Variants in RETREG1 observed in about 807,000 individuals in gnomAD.
RETREG1 encodes the protein family with sequence similarity 134 member B.
RETREG1 carries 44 observed loss-of-function variants against 54.8 expected under a neutral mutation model. The observed-to-expected ratio is 0.80, with a 90% confidence interval of 0.63 to 1.03. The LOEUF (loss-of-function observed/expected upper bound fraction) is 1.03, where lower values mean the gene tolerates loss of function less well. Among genes scored for constraint, RETREG1 ranks in the 50% least tolerant of loss-of-function variants. RETREG1 has a pLI of 0.00. For synonymous variants in RETREG1, 217 were observed against 238.5 expected, an observed-to-expected ratio of 0.91 and a Z score of 0.83; for missense variants, 554 against 605.1, an observed-to-expected ratio of 0.92 and a Z score of 0.89.
chr5:16,495,784 G>C (rs575627942), intron 3 of RETREG1, among the ~76,000 whole-genome samples: 15 of 142,768 alleles, frequency 1.1e-4, no homozygotes, highest in Non-Finnish European at 2.3e-4. Context: ...CTGGGCGACA[G>C]AGCGAGACTC....
intron 3 of RETREG1, chr5:16,509,109 T>A (rs1191642700): frequency 2.7e-6 from 2 of 752,672 alleles, no homozygotes; most frequent in African/African-American, 3.9e-5. Context: ...GGTTGAAACA[T>A]CACCCTGGGC....
intron 3 of RETREG1, among the ~76,000 whole-genome samples, chr5:16,551,755 TTAGTGTCTGAACACCACAAAAA>T (rs1393968957): frequency 7.2e-5 from 11 of 152,176 alleles, no homozygotes; most frequent in Non-Finnish European, 1.2e-4. Context: ...AATTACAAAT[TTAGTGTCTGAACACCACAAAAA>T]TCCATCATCT....
chr5:16,481,308 T>C (rs977332574), intron 4 of RETREG1, among the ~76,000 whole-genome samples: 4 of 152,100 alleles, frequency 2.6e-5, no homozygotes, highest in African/African-American at 9.7e-5. Flanking sequence ...TTGGTAATAA[T>C]TATTTTGAGG....
chr5:16,535,673 G>A (rs1741046744), intron 3 of RETREG1, among the ~76,000 whole-genome samples: 1 of 133,148 alleles, frequency 7.5e-6, no homozygotes, highest in African/African-American at 3.0e-5. Flanking sequence ...CAAAGTGGGA[G>A]CTGGGGTTCC....
At chr5:16,571,898 T>C in intron 2 of RETREG1, 98 bp downstream of exon 2, 1 of 839,226 alleles carries the variant, frequency 1.2e-6, no homozygotes. Context: ...TATTTGCTTC[T>C]GTTCAAAGGA....
chr5:16,499,490 G>T (rs903500585), intron 3 of RETREG1, among the ~76,000 whole-genome samples: 1 of 152,114 alleles, frequency 6.6e-6, no homozygotes, highest in African/African-American at 2.4e-5. Flanking sequence ...AATTTTTAGA[G>T]GTATCATTTT....
chr5:16,601,147 G>T (rs1044945316), intron 1 of RETREG1, among the ~76,000 whole-genome samples: 1 of 152,110 alleles, frequency 6.6e-6, no homozygotes, highest in Non-Finnish European at 1.5e-5. Flanking sequence ...CCAGAGGATT[G>T]CTTGAGGCCG....
chr5:16,524,901 CA>C, intron 3 of RETREG1, among the ~76,000 whole-genome samples: 1 of 128,142 alleles, frequency 7.8e-6, no homozygotes, highest in Non-Finnish European at 1.7e-5. Context: ...CCGGCTCCTG[CA>C]GGTGGATGTG....
intron 3 of RETREG1, among the ~76,000 whole-genome samples, chr5:16,510,920 T>C (rs1044209006): frequency 1.3e-5 from 2 of 152,166 alleles, no homozygotes; most frequent in African/African-American, 4.8e-5. Context: ...TTACCTTTTC[T>C]TTCTCCTGAG....
chr5:16,511,572 C>T (rs1006869736), intron 3 of RETREG1, among the ~76,000 whole-genome samples: 3 of 152,148 alleles, frequency 2.0e-5, no homozygotes, highest in African/African-American at 7.2e-5. Flanking sequence ...CTTGTTCCAA[C>T]CATGGAGTCC....
intron 3 of RETREG1, among the ~76,000 whole-genome samples, chr5:16,511,525 A>G (rs1352694507): frequency 6.6e-6 from 1 of 152,208 alleles, no homozygotes; most frequent in African/African-American, 2.4e-5. Context: ...GAGCACCAGT[A>G]CTTTGTTTTA....
chr5:16,602,372 C>T (rs1170569717), intron 1 of RETREG1, among the ~76,000 whole-genome samples: 1 of 152,002 alleles, frequency 6.6e-6, no homozygotes, highest in African/African-American at 2.4e-5. Context: ...AAGTGAAAAG[C>T]GAGCCCAGTG....
chr5:16,603,958 G>A (rs1398375314), intron 1 of RETREG1, among the ~76,000 whole-genome samples: 3 of 151,974 alleles, frequency 2.0e-5, no homozygotes, highest in African/African-American at 7.3e-5. Flanking sequence ...ACCCTGCTTT[G>A]GTAATCAATG....
chr5:16,543,027 T>G (rs1741292015), intron 3 of RETREG1, among the ~76,000 whole-genome samples: 1 of 152,244 alleles, frequency 6.6e-6, no homozygotes. Context: ...AGAACGGGTC[T>G]GCTTTGTCAC....
intron 2 of RETREG1, among the ~76,000 whole-genome samples, chr5:16,569,844 G>A (rs1350013808): frequency 6.6e-6 from 1 of 152,228 alleles, no homozygotes; most frequent in African/African-American, 2.4e-5. Context: ...GTACTTACAA[G>A]AGGAAGATGG....
Position 16,597,044 on chromosome 5 carries a change from A to T in RETREG1, c.320+19608T>A, listed in dbSNP as rs921901894. Among the ~76,000 whole-genome samples the T allele has an allele frequency of 1.3e-5, 2 of 151,082 alleles. No homozygotes were observed. Among genetic ancestry groups the T allele is most frequent in the Admixed American group, 6.6e-5 (1 of 15,208 alleles). On this transcript the variant is annotated intron_variant, in intron 1 of 8. Coordinates refer to ENST00000306320, the MANE Select transcript of RETREG1 (RefSeq NM_001034850.3). This position sits in a 1 kb window ranked among gnomAD's most constrained non-coding sequence, Gnocchi z 4.3. Reference sequence around the variant, plus strand: ...ACTGACATTTGTCAGACAACAGAAAAATGCATCTACACCAAAGGACGTGGA... The same window carrying T: ...ACTGACATTTGTCAGACAACAGAAATATGCATCTACACCAAAGGACGTGGA...
intron 3 of RETREG1, among the ~76,000 whole-genome samples, chr5:16,494,353 G>C (rs1010341457): frequency 1.4e-4 from 21 of 152,220 alleles, no homozygotes; most frequent in African/African-American, 4.1e-4. Context: ...GACATGGTTT[G>C]AATCTGTGTC....
At chr5:16,515,828 G>A (rs1430877375) in intron 3 of RETREG1, among the ~76,000 whole-genome samples, 1 of 152,148 alleles carries the variant, frequency 6.6e-6, no homozygotes, top group African/African-American at 2.4e-5. Context: ...CGAGGGAAAT[G>A]ACAGAAAACC....
chr5:16,523,704 T>C (rs980344810), intron 3 of RETREG1, among the ~76,000 whole-genome samples: 1 of 152,104 alleles, frequency 6.6e-6, no homozygotes, highest in East Asian at 1.9e-4. Context: ...GGGACAGGAC[T>C]CTAACTCCTG....
Sources: allele counts gnomAD v4.1 joint callset (sites outside exome capture counted in the v4.1 genomes callset), GRCh38; gene constraint gnomAD v4.1.1; non-coding constraint Gnocchi (gnomAD v3.1); transcripts MANE v1.5; gene names NCBI Gene and HGNC (gene_info 2026-07-23, HGNC 2026-07-21).